KIF15: variants seen among roughly 807,000 people sequenced by gnomAD.
The protein encoded by KIF15 is kinesin family member 15.
A neutral mutation model predicts 190.6 loss-of-function variants in KIF15; 140 were observed. That is an observed-to-expected ratio of 0.73 (90% CI 0.64 to 0.84). The LOEUF is 0.84. Ranked by LOEUF, KIF15 falls within the 40% of genes least tolerant of loss-of-function variation. The probability of loss-of-function intolerance (pLI) is 0.00; values close to 1 mark genes in which losing one functional copy is unlikely to be tolerated. For synonymous variants in KIF15, 528 were observed against 551.3 expected (o/e 0.96, Z 0.59); for missense variants, 1,372 against 1,584.4 (o/e 0.87, Z 2.28).
chr3:44,847,868 C>T, intron 30 of KIF15, 117 bp from the exon 31 acceptor site: 2 of 700,422 alleles, frequency 2.9e-6, no homozygotes, highest in Non-Finnish European at 4.9e-6. Context: ...ATAGAGTTAG[C>T]CTTTCTTTGT....
At chr3:44,826,512 A>T in intron 22 of KIF15, 52 bp downstream of exon 22, 1 of 1,228,322 alleles carries the variant, frequency 8.1e-7, no homozygotes. Context: ...GTTTAATACC[A>T]CATTCTTAAT....
In KIF15 at chr3:44,812,296, C is replaced by T. The variant is rs377500926; in HGVS notation, c.2277+7C>T. 6.3e-4 allele frequency: 999 copies of T among 1,594,754 alleles called. 2 individuals carry two copies. The highest frequency in any genetic ancestry group is 7.9e-4 in the Non-Finnish European group (920 of 1,163,198). The stretch of plus-strand genomic sequence containing the variant: ...TTCTACCCAAATGCAGGAGGTGAGA[C>T]CAAGAGCACAGCCTCAGAAAATGTA... On this transcript the variant is annotated splice_region_variant and intron_variant, in intron 18 of 34. Transcript: ENST00000326047.
At chr3:44,822,486 G>A (rs558905653) in intron 20 of KIF15, among the ~76,000 whole-genome samples, 58 of 151,970 alleles carry the variant, frequency 3.8e-4, no homozygotes, top group Non-Finnish European at 7.5e-4. Context: ...TGTGTCTTGG[G>A]GTTGCTCTTC....
downstream of KIF15, among the ~76,000 whole-genome samples, chr3:44,855,617 C>T (rs965087489): frequency 2.6e-5 from 4 of 151,926 alleles, no homozygotes; most frequent in Admixed American, 6.6e-5. Context: ...GGCTTAGGGG[C>T]GGCGTGGGAA....
rs764542035 is a variant in KIF15 at position 44,852,877 on chromosome 3, T to A, written c.*142T>A. 30 of 593,932 alleles carry A rather than the reference T, an allele frequency of 5.1e-5. No homozygotes were observed. The highest frequency in any genetic ancestry group is 8.1e-5 in the Non-Finnish European group (29 of 356,322). The allele number at this position is 593,932 out of a possible 1,614,324, so 36.8% of individuals were successfully genotyped here. On this transcript the variant is annotated 3_prime_UTR_variant, in exon 35 of 35. Coordinates refer to ENST00000326047, the MANE Select transcript of KIF15 (RefSeq NM_020242.3). ...TGTTTATAAGGTGGTGGTAACCACCTCAAGTTTCTGATGAACATTCTGCAT... is the reference window on the plus strand; with the variant it reads ...TGTTTATAAGGTGGTGGTAACCACCACAAGTTTCTGATGAACATTCTGCAT...
At chr3:44,864,119 A>G in intron 6 of KIF15, 1 of 1,583,890 alleles carries the variant, frequency 6.3e-7, no homozygotes, top group Non-Finnish European at 8.6e-7. Context: ...CAGCAACCAC[A>G]GTCCTGGGTG....
intron 20 of KIF15, among the ~76,000 whole-genome samples, chr3:44,817,659 T>C (rs1189764628): frequency 6.6e-6 from 1 of 152,252 alleles, no homozygotes; most frequent in African/African-American, 2.4e-5. Flanking sequence ...TAGTATAGTT[T>C]GAAGTCAGGT....
At position 44,830,093 on chromosome 3, in the gene KIF15, C is replaced by G. The variant is rs772571402; in HGVS notation, c.3048+18C>G. ...ACATAAATGTAAGTTCGGTCACCAA[C>G]AAGATGTTAAATTTGAGCATGGGAC... On this transcript the variant is annotated intron_variant, in intron 25 of 34. Coordinates refer to ENST00000326047, the MANE Select transcript of KIF15 (RefSeq NM_020242.3). 7 of 1,414,292 alleles carry G rather than the reference C, an allele frequency of 4.9e-6. No individual in the cohort carries two copies. The African/African-American group carries it at 8.7e-5, about 18-fold the overall frequency. 87.6% of individuals were successfully genotyped at this position (1,414,292 alleles called of 1,614,324 possible).
chr3:44,832,815 G>C (rs1391578383), intron 26 of KIF15, among the ~76,000 whole-genome samples: 1 of 151,992 alleles, frequency 6.6e-6, no homozygotes, highest in Non-Finnish European at 1.5e-5. Context: ...AGGAGTTCCA[G>C]ACCAGCCTGG....
At chr3:44,863,310 C>CA (rs893417553) in intron 6 of KIF15, 3 of 117,538 alleles carry the variant, frequency 2.6e-5, no homozygotes, top group African/African-American at 5.6e-5. Context: ...ACCCCCCCCC[C>CA]CCGCCGCCTT....
chr3:44,789,642 TTATATATATATATATA>T (rs56009369), intron 7 of KIF15, among the ~76,000 whole-genome samples: 4,247 of 113,482 alleles, frequency 0.037, 148 homozygotes, highest in African/African-American at 0.067. Context: ...TTGTCTAATT[TTATATATATATATATA>T]TATATATATA....
At chr3:44,782,957 A>G (rs1706234271) in intron 5 of KIF15, among the ~76,000 whole-genome samples, 2 of 152,204 alleles carry the variant, frequency 1.3e-5, no homozygotes, top group African/African-American at 4.8e-5. Context: ...TGTTTTGAAT[A>G]TGATGTGACA....
chr3:44,861,773 C>T (rs1422846599), intron 6 of KIF15: 1 of 865,820 alleles, frequency 1.2e-6, no homozygotes, highest in East Asian at 3.2e-5. Flanking sequence ...GCCACCTGGC[C>T]CGCCCCCTCC....
At position 44,848,049 on chromosome 3, in the gene KIF15, C is replaced by T. The variant is rs1161546621; in HGVS notation, c.3760C>T (p.Leu1254Phe). Reference sequence around the variant, plus strand: ...ACAAGAAGAAAGTATCAAAGAAAGACTTGCAAAAGTAAGATTTTTTTTTAT... The same window carrying T: ...ACAAGAAGAAAGTATCAAAGAAAGATTTGCAAAAGTAAGATTTTTTTTTAT... The part of the protein sequence containing the change: ...NEQEESIKER[L>F]AKSKIVEEML... Residue 1254 changes from leucine (L) to phenylalanine (F), a missense_variant, in exon 31 of 35, where the codon CTT becomes TTT. By Grantham distance (22) the Leu-to-Phe change is conservative. Coordinates refer to ENST00000326047, the MANE Select transcript of KIF15 (RefSeq NM_020242.3). The T allele has an allele frequency of 6.2e-7, 1 of 1,602,020 alleles. No individual in the cohort carries two copies. The highest frequency in any genetic ancestry group is 1.7e-5 in the Admixed American group (1 of 59,366).
intron 6 of KIF15, chr3:44,861,736 C>G (rs1699249318): frequency 3.4e-6 from 2 of 590,470 alleles, no homozygotes; most frequent in South Asian, 4.4e-5. Context: ...CAGGTTAGGC[C>G]GGAGGCCGCC....
chr3:44,788,884 A>G (rs1156387543), intron 7 of KIF15, among the ~76,000 whole-genome samples: 2 of 152,198 alleles, frequency 1.3e-5, no homozygotes, highest in East Asian at 1.9e-4. Context: ...TAACTACAAA[A>G]CAATATTTTA....
chr3:44,775,871 G>A (rs1413606264), intron 3 of KIF15, among the ~76,000 whole-genome samples: 1 of 151,654 alleles, frequency 6.6e-6, no homozygotes, highest in Non-Finnish European at 1.5e-5. Context: ...ATGAGGTCAG[G>A]AGATCGAGAT....
At chr3:44,809,028 CTT>C (rs973539484) in intron 16 of KIF15, among the ~76,000 whole-genome samples, 4 of 152,182 alleles carry the variant, frequency 2.6e-5, no homozygotes, top group African/African-American at 9.7e-5. Context: ...TTTAGGATGT[CTT>C]AGCATTTGAG....
Position 44,805,142 on chromosome 3 carries a change from A to G in KIF15, c.1803A>G (p.Glu601=). The change falls in exon 15 of 35, where the codon GAA becomes GAG. Residue 601 remains glutamate, a synonymous_variant. Transcript: ENST00000326047. ...IQTELNNSKQ[E]YEEFKELTRK... ...CAGAGCTGAATAATTCAAAGCAAGA[A>G]TATGAAGAATTCAAAGAACTTACTA... 1.2e-6 allele frequency: 2 copies of G among 1,612,470 alleles called. No individual in the cohort carries two copies. The highest frequency in any genetic ancestry group is 1.7e-6 in the Non-Finnish European group (2 of 1,179,572).
Sources: gnomAD v4.1 joint callset for allele counts (sites outside exome capture counted in the v4.1 genomes callset) on GRCh38, gnomAD v4.1.1 for gene constraint, MANE v1.5 for transcripts, NCBI Gene and HGNC (gene_info 2026-07-23, HGNC 2026-07-21) for gene names.